The following FOXO1 variants were observed in gnomAD, a reference collection of about 807,000 sequenced individuals.
The protein encoded by FOXO1 is forkhead box protein O1.
Under a neutral mutation model 44.1 loss-of-function variants are expected in FOXO1, and 6 were observed. The ratio of observed to expected loss-of-function variants is 0.14; its 90% CI spans 0.07 to 0.27. The LOEUF (loss-of-function observed/expected upper bound fraction) is 0.27, where lower values mean the gene tolerates loss of function less well. Among genes scored for constraint, FOXO1 ranks in the 10% least tolerant of loss-of-function variants. FOXO1 has a pLI of 1.00. For missense variants in FOXO1, 737 were observed against 888.8 expected (o/e 0.83, Z 2.17); for synonymous variants, 380 against 362.7 (o/e 1.05, Z -0.54).
chr13:40,578,724 T>A (rs775201259), intron 1 of FOXO1, among the ~76,000 whole-genome samples: 28 of 152,374 alleles, frequency 1.8e-4, no homozygotes, highest in African/African-American at 6.5e-4. Flanking sequence ...TGGGACACTC[T>A]GGCCACACAG....
At chr13:40,592,255 C>T (rs1875402774) in intron 1 of FOXO1, among the ~76,000 whole-genome samples, 1 of 152,142 alleles carries the variant, frequency 6.6e-6, no homozygotes, top group South Asian at 2.1e-4. Context: ...TTACTAAATT[C>T]CAGACAAACT....
At chr13:40,595,997 T>A (rs2701864) in intron 1 of FOXO1, among the ~76,000 whole-genome samples, 14,614 of 150,146 alleles carry the variant, frequency 0.097, 917 homozygotes, top group East Asian at 0.24. Flanking sequence ...TAAATAAGTG[T>A]AAAAACATTC....
At chr13:40,630,909 A>G (rs1876941228) in intron 1 of FOXO1, among the ~76,000 whole-genome samples, 2 of 152,202 alleles carry the variant, frequency 1.3e-5, no homozygotes, top group South Asian at 4.1e-4. Context: ...TCAGAAACCA[A>G]GAATCAAGGG....
chr13:40,650,047 C>A (rs1877626760), intron 1 of FOXO1, among the ~76,000 whole-genome samples: 1 of 152,164 alleles, frequency 6.6e-6, no homozygotes, highest in African/African-American at 2.4e-5. Context: ...ATGGCTACTC[C>A]GTAGACAAAG....
intron 1 of FOXO1, among the ~76,000 whole-genome samples, chr13:40,654,900 C>T (rs1445494053): frequency 6.6e-6 from 1 of 152,090 alleles, no homozygotes; most frequent in East Asian, 1.9e-4. Context: ...GATAAGAACC[C>T]TCAGGGAACC....
intron 1 of FOXO1, among the ~76,000 whole-genome samples, chr13:40,581,513 A>G (rs2137851254): frequency 6.6e-6 from 1 of 152,318 alleles, no homozygotes; most frequent in African/African-American, 2.4e-5. Flanking sequence ...TAGTAAATTA[A>G]AACAATTAAC....
chr13:40,626,772 C>T (rs78516256), intron 1 of FOXO1, among the ~76,000 whole-genome samples: 2,472 of 152,242 alleles, frequency 0.016, 71 homozygotes, highest in African/African-American at 0.054. Context: ...GACACTGCCC[C>T]GATGATACCA....
intron 1 of FOXO1, among the ~76,000 whole-genome samples, chr13:40,575,436 TGAAGGGCACCAAGGAG>T (rs1874708723): frequency 6.6e-6 from 1 of 151,888 alleles, no homozygotes; most frequent in South Asian, 2.1e-4. Context: ...GTAGGTGGAG[TGAAGGGCACCAAGGAG>T]GAAGGGTCTC....
At chr13:40,576,148 C>CT (rs1408523874) in intron 1 of FOXO1, among the ~76,000 whole-genome samples, 1 of 152,040 alleles carries the variant, frequency 6.6e-6, no homozygotes, top group Non-Finnish European at 1.5e-5. Flanking sequence ...TGTGAGGAAA[C>CT]TTTTTTAAAA....
At chr13:40,577,102 GTGGGGT>G (rs1874779587) in intron 1 of FOXO1, among the ~76,000 whole-genome samples, 2 of 152,190 alleles carry the variant, frequency 1.3e-5, no homozygotes, top group Non-Finnish European at 2.9e-5. Context: ...GGCCAAGGCT[GTGGGGT>G]ACTGCAGGGG....
chr13:40,596,145 A>G (rs1014226345), intron 1 of FOXO1, among the ~76,000 whole-genome samples: 1 of 152,126 alleles, frequency 6.6e-6, no homozygotes, highest in Non-Finnish European at 1.5e-5. Flanking sequence ...CAGTCTTCTT[A>G]TTAAATGGCC....
chr13:40,566,345 C>T (rs61963699), intron 1 of FOXO1, among the ~76,000 whole-genome samples: 17,637 of 151,954 alleles, frequency 0.12, 1,358 homozygotes, highest in South Asian at 0.26. Context: ...CACTGAAGTG[C>T]AGGATGAAAT....
intron 1 of FOXO1, among the ~76,000 whole-genome samples, chr13:40,635,525 T>C (rs925403721): frequency 2.0e-5 from 3 of 152,244 alleles, no homozygotes; most frequent in African/African-American, 7.2e-5. Context: ...CTGGTCAGTT[T>C]TGCTTTTACT....
intron 1 of FOXO1, among the ~76,000 whole-genome samples, chr13:40,572,867 C>T (rs1874593011): frequency 1.3e-5 from 2 of 152,306 alleles, no homozygotes; most frequent in Middle Eastern, 3.4e-3. Context: ...CTGTCCACAC[C>T]TTCCTTCTAA....
chr13:40,572,780 G>A lies in FOXO1; in HGVS notation c.631-11920C>T, dbSNP rs28522263. ...CAGGGCTGTGGCCCAGCTTCCCACAGACATCAGGGATCCACCTGAGGAGGC... is the reference window on the plus strand; with the variant it reads ...CAGGGCTGTGGCCCAGCTTCCCACAAACATCAGGGATCCACCTGAGGAGGC... On this transcript the variant is annotated intron_variant, in intron 1 of 2. Coordinates refer to ENST00000379561, the MANE Select transcript of FOXO1 (RefSeq NM_002015.4). Among the ~76,000 whole-genome samples the A allele has an allele frequency of 9.6e-3, 1,461 of 152,266 alleles. 33 individuals are homozygous for A. The highest frequency in any genetic ancestry group is 0.032 in the African/African-American group (1,344 of 41,530).
chr13:40,625,394 A>G (rs12585875), intron 1 of FOXO1, among the ~76,000 whole-genome samples: 62,874 of 152,002 alleles, frequency 0.41, 14,251 homozygotes, highest in East Asian at 0.73. Flanking sequence ...GTGGTCTCCA[A>G]TGCTGATGGA....
intron 1 of FOXO1, among the ~76,000 whole-genome samples, chr13:40,597,044 T>C (rs1353501025): frequency 3.3e-5 from 5 of 152,206 alleles, no homozygotes; most frequent in Non-Finnish European, 5.9e-5. Flanking sequence ...CAGCAACTTA[T>C]CTCCCCAAGC....
At chr13:40,593,519 C>T (rs1167685871) in intron 1 of FOXO1, among the ~76,000 whole-genome samples, 2 of 152,162 alleles carry the variant, frequency 1.3e-5, no homozygotes, top group Non-Finnish European at 2.9e-5. Context: ...GTTCTTACCA[C>T]TGTAGACTGT....
chr13:40,615,070 G>A (rs564959761), intron 1 of FOXO1, among the ~76,000 whole-genome samples: 3 of 152,158 alleles, frequency 2.0e-5, no homozygotes, highest in Non-Finnish European at 2.9e-5. Context: ...GAATGCAGAG[G>A]TAGATAAAAT....
Sources: allele counts gnomAD v4.1 joint callset (sites outside exome capture counted in the v4.1 genomes callset), GRCh38; gene constraint gnomAD v4.1.1; transcripts MANE v1.5; gene names NCBI Gene and HGNC (gene_info 2026-07-23, HGNC 2026-07-21).